FBN2: variants seen among roughly 807,000 people sequenced by gnomAD.
FBN2 encodes fibrillin 2.
A neutral mutation model predicts 355.6 loss-of-function variants in FBN2; 105 were observed. That is an observed-to-expected ratio of 0.30 (90% CI 0.25 to 0.35). FBN2 has a LOEUF of 0.35. Among genes scored for constraint, FBN2 ranks in the 10% least tolerant of loss-of-function variants. The pLI, the probability that FBN2 is intolerant of heterozygous loss-of-function variation, is 1.00. For synonymous variants in FBN2, 1,350 were observed against 1,301.2 expected (o/e 1.04, Z -0.81); for missense variants, 3,280 against 3,758.7 (o/e 0.87, Z 3.33).
intron 47 of FBN2, 25 bp downstream of exon 47, chr5:128,301,357 G>A: frequency 1.2e-6 from 2 of 1,604,742 alleles, no homozygotes; most frequent in Non-Finnish European, 1.7e-6. Flanking sequence ...ACACCACAAA[G>A]ACTGCTTATT....
intron 11 of FBN2, among the ~76,000 whole-genome samples, chr5:128,381,628 A>C (rs564726106): frequency 2.2e-4 from 34 of 152,244 alleles, no homozygotes; most frequent in Non-Finnish European, 4.4e-4. Context: ...ATTTTCTGAA[A>C]ATGTGCTCCA....
intron 7 of FBN2, among the ~76,000 whole-genome samples, chr5:128,434,074 C>A (rs1008691150): frequency 6.6e-6 from 1 of 151,940 alleles, no homozygotes; most frequent in Non-Finnish European, 1.5e-5. Flanking sequence ...CCTAACCTTG[C>A]GACCAATACA....
chr5:128,318,608 C>T (rs545967705), intron 35 of FBN2, among the ~76,000 whole-genome samples: 16 of 151,478 alleles, frequency 1.1e-4, no homozygotes, highest in Non-Finnish European at 1.5e-4. Flanking sequence ...ACTATATATA[C>T]ATATACATGA....
chr5:128,407,699 T>A (rs550882748), intron 8 of FBN2, among the ~76,000 whole-genome samples: 1 of 152,320 alleles, frequency 6.6e-6, no homozygotes, highest in African/African-American at 2.4e-5. Flanking sequence ...TTTAATCAAA[T>A]GAATTCAGGC....
chr5:128,445,154 T>C (rs1754033501), intron 7 of FBN2, among the ~76,000 whole-genome samples: 1 of 152,208 alleles, frequency 6.6e-6, no homozygotes. Flanking sequence ...CTATCGACAG[T>C]GTATTTAAGT....
intron 5 of FBN2, among the ~76,000 whole-genome samples, chr5:128,490,000 T>G (rs562393026): frequency 2.6e-5 from 4 of 152,270 alleles, no homozygotes; most frequent in African/African-American, 9.6e-5. Flanking sequence ...ACTAGCTGCT[T>G]GACACTAATT....
At position 128,327,535 on chromosome 5, in the gene FBN2, T is replaced by C. The variant is rs1455807435; in HGVS notation, c.4471+1161A>G. Among the ~76,000 whole-genome samples the C allele has an allele frequency of 3.3e-5, 5 of 151,918 alleles. No individual in the cohort carries two copies. In the East Asian group the frequency reaches 9.7e-4, roughly 29 times the overall value. On this transcript the variant is annotated intron_variant, in intron 34 of 64. Coordinates refer to ENST00000262464, the MANE Select transcript of FBN2 (RefSeq NM_001999.4). Reference sequence around the variant, plus strand: ...TACTGATGTAGGGGGAAGTTTTTAATATGTTTCATTTTATCATTTTTGCTC... The same window carrying C: ...TACTGATGTAGGGGGAAGTTTTTAACATGTTTCATTTTATCATTTTTGCTC...
chr5:128,377,563 C>A (rs187215174), intron 13 of FBN2, among the ~76,000 whole-genome samples, 189 bp downstream of exon 13: 1,791 of 149,804 alleles, frequency 0.012, 26 homozygotes, highest in South Asian at 0.029. Context: ...AAAAAAAAAA[C>A]CAAAAAACAA....
chr5:128,297,421 A>T (rs1749555314), intron 48 of FBN2, among the ~76,000 whole-genome samples: 1 of 152,032 alleles, frequency 6.6e-6, no homozygotes, highest in South Asian at 2.1e-4. Flanking sequence ...TGATCTGTCT[A>T]ATGTTGACAG....
chr5:128,301,306 G>T, intron 47 of FBN2, 76 bp downstream of exon 47: 1 of 1,269,826 alleles, frequency 7.9e-7, no homozygotes, highest in Non-Finnish European at 1.1e-6. Context: ...GAGTTCTTAA[G>T]TGAAAGGAGG....
chr5:128,312,617 T>C lies in FBN2; in HGVS notation c.4879+17A>G. ...ATACCAGTTGGTTTTCTTCCTCTTC[T>C]TCAGCTTTGTACTTACTGCTATTGA... On this transcript the variant is annotated intron_variant, in intron 37 of 64. Coordinates refer to ENST00000262464, the MANE Select transcript of FBN2 (RefSeq NM_001999.4). 1.2e-6 allele frequency: 2 copies of C among 1,614,006 alleles called. No homozygotes were observed. Among genetic ancestry groups the C allele is most frequent in the South Asian group, 1.1e-5 (1 of 91,048 alleles).
chr5:128,487,366 T>C (rs544719664), intron 5 of FBN2, among the ~76,000 whole-genome samples: 1 of 152,274 alleles, frequency 6.6e-6, no homozygotes, highest in South Asian at 2.1e-4. Flanking sequence ...ATTTTTACGG[T>C]TGGTTGTTAT....
chr5:128,383,203 C>T (rs974505802), intron 11 of FBN2, among the ~76,000 whole-genome samples: 3 of 151,890 alleles, frequency 2.0e-5, no homozygotes, highest in Non-Finnish European at 4.4e-5. Context: ...CCAATATATA[C>T]GAGCAAATGA....
intron 6 of FBN2, among the ~76,000 whole-genome samples, chr5:128,455,458 C>A (rs944962449): frequency 5.9e-5 from 9 of 152,090 alleles, no homozygotes; most frequent in African/African-American, 2.2e-4. Flanking sequence ...GCACACCTTT[C>A]TGACACTACT....
intron 5 of FBN2, among the ~76,000 whole-genome samples, chr5:128,506,503 T>A (rs762986889): frequency 5.9e-5 from 9 of 152,160 alleles, no homozygotes; most frequent in Non-Finnish European, 1.0e-4. Context: ...GCCATTAGTT[T>A]GTATCCTGCA....
At chr5:128,269,946 A>T (rs1485759039) in intron 62 of FBN2, among the ~76,000 whole-genome samples, 1 of 152,234 alleles carries the variant, frequency 6.6e-6, no homozygotes, top group Non-Finnish European at 1.5e-5. Flanking sequence ...TTCAAAGTAT[A>T]CAACAAGGCT....
chr5:128,333,806 T>G (rs72785122), intron 31 of FBN2, among the ~76,000 whole-genome samples: 22,169 of 150,506 alleles, frequency 0.15, 2,189 homozygotes, highest in Non-Finnish European at 0.22. Flanking sequence ...GTGTTCTATC[T>G]AGTTCAACGA....
intron 21 of FBN2, among the ~76,000 whole-genome samples, 193 bp from the exon 22 acceptor site, chr5:128,350,198 T>C (rs1020957719): frequency 1.1e-4 from 16 of 152,252 alleles, no homozygotes; most frequent in African/African-American, 3.9e-4. Flanking sequence ...TCCATTGGTA[T>C]TGACCTGTAT....
intron 27 of FBN2, among the ~76,000 whole-genome samples, chr5:128,337,015 C>T (rs1036011382): frequency 7.9e-5 from 12 of 152,022 alleles, no homozygotes; most frequent in South Asian, 2.1e-4. Context: ...TTGGGGGATA[C>T]GTTTTTAAGC....
Sources: gnomAD v4.1 joint callset for allele counts (sites outside exome capture counted in the v4.1 genomes callset) on GRCh38, gnomAD v4.1.1 for gene constraint, MANE v1.5 for transcripts, NCBI Gene and HGNC (gene_info 2026-07-23, HGNC 2026-07-21) for gene names.